Variants in RYR3 observed in about 807,000 individuals in gnomAD.
The protein encoded by RYR3 is brain ryanodine receptor-calcium release channel.
A neutral mutation model predicts 584.3 loss-of-function variants in RYR3; 207 were observed. The observed-to-expected ratio is 0.35, with a 90% CI of 0.32 to 0.40. RYR3 has a LOEUF of 0.40. Ranked by LOEUF, RYR3 falls within the 10% of genes least tolerant of loss-of-function variation. The probability of loss-of-function intolerance (pLI) is 1.00; values close to 1 mark genes in which losing one functional copy is unlikely to be tolerated. For synonymous variants in RYR3, 2,416 were observed against 2,248.5 expected, an observed-to-expected ratio of 1.07 and a Z score of -2.11; for missense variants, 5,616 against 6,089.2, an observed-to-expected ratio of 0.92 and a Z score of 2.59.
intron 9 of RYR3, among the ~76,000 whole-genome samples, chr15:33,549,726 A>G (rs1476437738): frequency 6.6e-6 from 1 of 152,156 alleles, no homozygotes; most frequent in Non-Finnish European, 1.5e-5. Flanking sequence ...CTGTGCAGGT[A>G]TTTTTACTAT....
Position 33,432,031 on chromosome 15 carries a change from C to G in RYR3, c.52-41388C>G, listed in dbSNP as rs556645286. Among the ~76,000 whole-genome samples, 40 of 152,292 alleles carry G rather than the reference C, an allele frequency of 2.6e-4. 1 individual carries two copies. In the South Asian group the frequency reaches 6.0e-3, roughly 23 times the overall value. ...CTAGTAAGTCACTGGGTTACCCTCA[C>G]TCATTGTTTACCTTGCCTTCAGATT... On this transcript the variant is annotated intron_variant, in intron 1 of 103. Coordinates refer to ENST00000634891, the MANE Select transcript of RYR3 (RefSeq NM_001036.6).
intron 2 of RYR3, among the ~76,000 whole-genome samples, chr15:33,503,335 C>T (rs1235967707): frequency 1.3e-5 from 2 of 152,142 alleles, no homozygotes; most frequent in Non-Finnish European, 2.9e-5. Flanking sequence ...GCCTTCCCTT[C>T]CTCTCCCTTC....
At position 33,766,118 on chromosome 15, in the gene RYR3, TA is replaced by T. The variant is rs201118656; in HGVS notation, c.8706-2533del. Among the ~76,000 whole-genome samples, 10 of 151,470 alleles carry T rather than the reference TA, an allele frequency of 6.6e-5. 1 individual carries two copies. Among genetic ancestry groups the T allele is most frequent in the South Asian group, 2.1e-4 (1 of 4,780 alleles). The stretch of plus-strand genomic sequence containing the variant: ...CAACATGGCAAAACCCTGTCTCTAC[TA>T]AAAAAACAAAAAAAATAGCTGGGCG... On this transcript the variant is annotated intron_variant, in intron 60 of 103. Transcript: ENST00000634891.
chr15:33,514,964 A>G (rs2053380821), intron 3 of RYR3, among the ~76,000 whole-genome samples: 1 of 152,150 alleles, frequency 6.6e-6, no homozygotes, highest in Non-Finnish European at 1.5e-5. Flanking sequence ...AGATCGCGCC[A>G]CTGCACTCCA....
intron 45 of RYR3, 126 bp from the exon 46 acceptor site, chr15:33,726,260 C>A: frequency 2.0e-6 from 2 of 992,616 alleles, no homozygotes; most frequent in Non-Finnish European, 3.0e-6. Flanking sequence ...GTGTCTGTAG[C>A]AATTAGGGAA....
intron 10 of RYR3, among the ~76,000 whole-genome samples, chr15:33,562,555 C>G (rs2057465904): frequency 9.4e-6 from 1 of 106,290 alleles, no homozygotes; most frequent in Non-Finnish European, 1.9e-5. Flanking sequence ...TGAAGAATTA[C>G]ACAAAATCAG....
At chr15:33,863,808 AGAATTTGGGCTACCATTT>A (rs1162649869) in intron 102 of RYR3, among the ~76,000 whole-genome samples, 10 of 152,224 alleles carry the variant, frequency 6.6e-5, no homozygotes, top group African/African-American at 2.2e-4. Context: ...TTCTATGGTA[AGAATTTGGGCTACCATTT>A]TATTGTTTTA....
At chr15:33,434,347 A>G (rs796335320) in intron 1 of RYR3, among the ~76,000 whole-genome samples, 14 of 152,258 alleles carry the variant, frequency 9.2e-5, no homozygotes, top group African/African-American at 3.4e-4. Flanking sequence ...CTGTGCTTAT[A>G]GTTTGTATTA....
intron 90 of RYR3, 43 bp from the exon 91 acceptor site, chr15:33,841,821 G>A (rs756800875): frequency 1.6e-5 from 25 of 1,552,066 alleles, no homozygotes; most frequent in South Asian, 2.4e-5. Context: ...GGGCCAGACC[G>A]CCCTCCCGTC....
At chr15:33,556,334 A>T (rs1345074492) in intron 10 of RYR3, among the ~76,000 whole-genome samples, 1 of 152,176 alleles carries the variant, frequency 6.6e-6, no homozygotes, top group Non-Finnish European at 1.5e-5. Context: ...TCAGCCCATC[A>T]TTCACATTGA....
intron 3 of RYR3, among the ~76,000 whole-genome samples, chr15:33,518,291 CACATT>C (rs1389186162): frequency 6.6e-6 from 1 of 152,196 alleles, no homozygotes; most frequent in African/African-American, 2.4e-5. Context: ...GCCAAGTTGT[CACATT>C]ACATTAATGG....
chr15:33,389,786 C>T (rs781768773), intron 1 of RYR3, among the ~76,000 whole-genome samples: 1 of 152,096 alleles, frequency 6.6e-6, no homozygotes, highest in Non-Finnish European at 1.5e-5. Flanking sequence ...TCTTTGCAAA[C>T]TTTTATTTAA....
intron 13 of RYR3, 67 bp downstream of exon 13, chr15:33,580,211 A>G: frequency 2.4e-6 from 3 of 1,273,804 alleles, no homozygotes; most frequent in Admixed American, 2.2e-5. Context: ...TGTGACTACA[A>G]CTTAGCTTTG....
Position 33,662,808 on chromosome 15 carries a change from G to T in RYR3, c.5278G>T (p.Ala1760Ser). Residue 1760 changes from alanine to serine, a missense_variant, in exon 35 of 104, where the codon GCG becomes TCG. This residue lies in a region of RYR3 where 753 missense variants were observed against 741.0 expected (regional missense o/e 1.02). Transcript: ENST00000634891. ...TCCCTCTGTGTTTGGGGAGCATAGTGCGGGGACAGAGGAGGGAGCAGAAAA... is the reference window on the plus strand; with the variant it reads ...TCCCTCTGTGTTTGGGGAGCATAGTTCGGGGACAGAGGAGGGAGCAGAAAA... ...IDPSVFGEHS[A>S]GTEEGAEKEE... The T allele has an allele frequency of 6.2e-7, 1 of 1,613,988 alleles. No individual in the cohort carries two copies.
At chr15:33,507,724 A>G (rs1161561524) in intron 3 of RYR3, among the ~76,000 whole-genome samples, 1 of 152,170 alleles carries the variant, frequency 6.6e-6, no homozygotes, top group Non-Finnish European at 1.5e-5. Context: ...AAAAATGCTC[A>G]GTCTTCAGTG....
chr15:33,720,244 A>G lies in RYR3; in HGVS notation c.6620-2471A>G, dbSNP rs77828215. Among the ~76,000 whole-genome samples, 369 of 152,294 alleles carry G rather than the reference A, an allele frequency of 2.4e-3. 2 individuals are homozygous for G. Among genetic ancestry groups the G allele is most frequent in the Middle Eastern group, 6.8e-3 (2 of 294 alleles). ...GGATGTCAGCAAGCCAAGCTCTAGG[A>G]CTGGACTACACCTGTGGTCTGAGGT... On this transcript the variant is annotated intron_variant, in intron 43 of 103. Transcript: ENST00000634891.
chr15:33,615,551 A>G (rs2152570936), intron 19 of RYR3, among the ~76,000 whole-genome samples: 1 of 152,334 alleles, frequency 6.6e-6, no homozygotes, highest in South Asian at 2.1e-4. Flanking sequence ...ATATATTGGC[A>G]TTGTTTGAGG....
Position 33,843,545 on chromosome 15 carries a change from G to C in RYR3, c.13267G>C (p.Ala4423Pro). 3.8e-6 allele frequency: 6 copies of C among 1,599,478 alleles called. No individual in the cohort carries two copies. Among genetic ancestry groups the C allele is most frequent in the Non-Finnish European group, 5.1e-6 (6 of 1,172,400 alleles). ...LRFLALFVAFAINFILLFYKV... is the reference protein window; with the variant it reads ...LRFLALFVAFPINFILLFYKV... ...GTTCCTTGCTCTGTTTGTAGCCTTC[G>C]CTATCAACTTCATCCTGCTTTTTTA... Residue 4423 changes from alanine to proline, a missense_variant, in exon 92 of 104, where the codon GCT becomes CCT. Ala to Pro is a conservative substitution (Grantham distance 27). Coordinates refer to ENST00000634891, the MANE Select transcript of RYR3 (RefSeq NM_001036.6).
chr15:33,350,301 A>G (rs1044546950), intron 1 of RYR3, among the ~76,000 whole-genome samples: 2 of 152,204 alleles, frequency 1.3e-5, no homozygotes, highest in African/African-American at 2.4e-5. Flanking sequence ...ACTCCCACAC[A>G]TTAATAATGG....
Sources: allele counts gnomAD v4.1 joint callset (sites outside exome capture counted in the v4.1 genomes callset), GRCh38; gene constraint gnomAD v4.1.1; regional missense constraint gnomAD v4.1.1; transcripts MANE v1.5; gene names NCBI Gene and HGNC (gene_info 2026-07-23, HGNC 2026-07-21).